The following TNKS variants were observed in gnomAD, a reference collection of about 807,000 sequenced individuals.
TNKS encodes tankyrase.
Under a neutral mutation model 135.8 loss-of-function variants are expected in TNKS, and 72 were observed. The ratio of observed to expected loss-of-function variants is 0.53; its 90% CI spans 0.44 to 0.64. The LOEUF (loss-of-function observed/expected upper bound fraction) is 0.64. TNKS is among the 30% of genes least tolerant of loss of function. The probability of loss-of-function intolerance (pLI) is 0.00; values close to 1 mark genes in which losing one functional copy is unlikely to be tolerated. For missense variants in TNKS, 1,769 were observed against 1,674.0 expected, an observed-to-expected ratio of 1.06 and a Z score of -0.99; for synonymous variants, 849 against 649.3, an observed-to-expected ratio of 1.31 and a Z score of -4.68.
At position 9,765,783 on chromosome 8, in the gene TNKS, G is replaced by A. The variant is rs764619026; in HGVS notation, c.3539G>A (p.Arg1180His). 1.6e-5 allele frequency: 26 copies of A among 1,613,672 alleles called. No individual in the cohort carries two copies. The highest frequency in any genetic ancestry group is 2.2e-5 in the East Asian group (1 of 44,886). The change falls in exon 24 of 27, where the codon CGC becomes CAC. Residue 1180 changes from arginine (R) to histidine (H), a missense_variant. Coordinates refer to ENST00000310430, the MANE Select transcript of TNKS (RefSeq NM_003747.3). Reference sequence around the variant, plus strand: ...GAGAATCACAACCATCACAATGAGCGCATGTTGTTTCATGGTAAGCAGCGT... The same window carrying A: ...GAGAATCACAACCATCACAATGAGCACATGTTGTTTCATGGTAAGCAGCGT... ...SEENHNHHNE[R>H]MLFHGSPFIN...
In TNKS at chr8:9,631,413, A is replaced by G. The variant is rs1051282186; in HGVS notation, c.994+15736A>G. Among the ~76,000 whole-genome samples the G allele has an allele frequency of 3.9e-5, 6 of 152,376 alleles. No individual in the cohort carries two copies. In the South Asian group the frequency reaches 8.3e-4, roughly 21 times the overall value. ...TACTTTCACATCATGCTTATAAGTCATAAAATGTACTGATGAAAAAGAAGC... is the reference window on the plus strand; with the variant it reads ...TACTTTCACATCATGCTTATAAGTCGTAAAATGTACTGATGAAAAAGAAGC... On this transcript the variant is annotated intron_variant, in intron 3 of 26. Transcript: ENST00000310430.
intron 3 of TNKS, among the ~76,000 whole-genome samples, chr8:9,639,170 A>C (rs1800630599): frequency 6.6e-6 from 1 of 152,206 alleles, no homozygotes; most frequent in Non-Finnish European, 1.5e-5. Flanking sequence ...TTTCTATGTT[A>C]TTCAGAGCAA....
rs1254260151 is a variant in TNKS, at chr8:9,778,821, A to G, written c.*2085A>G. 2.0e-5 allele frequency: 3 copies of G among 152,170 alleles called. No homozygotes were observed. Among genetic ancestry groups the G allele is most frequent in the Non-Finnish European group, 2.9e-5 (2 of 68,020 alleles). The allele number at this position is 152,170 out of a possible 1,614,324, so 9.4% of individuals were successfully genotyped here. A position where few individuals can be genotyped will look rare whatever the true frequency, so the allele number is the denominator to read the frequency against. On this transcript the variant is annotated 3_prime_UTR_variant, in exon 27 of 27. Coordinates refer to ENST00000310430, the MANE Select transcript of TNKS (RefSeq NM_003747.3). Reference sequence around the variant, plus strand: ...AATGGTAAACACAGCTGTGATTTTTAGTTAAGTAAAAGAGTTAATATGATA... The same window carrying G: ...AATGGTAAACACAGCTGTGATTTTTGGTTAAGTAAAAGAGTTAATATGATA...
chr8:9,776,646 C>T lies in TNKS; in HGVS notation c.3898-4C>T, dbSNP rs1470488973. On this transcript the variant is annotated splice_region_variant and splice_polypyrimidine_tract_variant and intron_variant, in intron 26 of 26. Transcript: ENST00000310430. ...TGATTTGTTTTTCTTCTTGTCCTTC[C>T]CAGGCATACCCAGAGTATCTTATCA... 1 of 1,613,674 alleles carries T rather than the reference C, an allele frequency of 6.2e-7. No homozygotes were observed. Among genetic ancestry groups the T allele is most frequent in the Non-Finnish European group, 8.5e-7 (1 of 1,179,734 alleles).
rs1183777732 is a variant in TNKS, at chr8:9,719,441, C to G, written c.1750-933C>G. Among the ~76,000 whole-genome samples, 4 of 152,124 alleles carry G rather than the reference C, an allele frequency of 2.6e-5. No individual in the cohort carries two copies. In the South Asian group the frequency reaches 8.3e-4, roughly 32 times the overall value. On this transcript the variant is annotated intron_variant, in intron 11 of 26. Transcript: ENST00000310430. ...AACATGCACTCATATTCTCAATAAC[C>G]TTAGTTTAACTCAATAAACAAAAAT...
chr8:9,750,566 C>T (rs1204636593), intron 18 of TNKS, among the ~76,000 whole-genome samples: 1 of 152,130 alleles, frequency 6.6e-6, no homozygotes, highest in Non-Finnish European at 1.5e-5. Context: ...CTCTCGCCTT[C>T]AGTAGCACTT....
At chr8:9,706,584 T>A (rs1172559582) in intron 7 of TNKS, among the ~76,000 whole-genome samples, 1 of 152,200 alleles carries the variant, frequency 6.6e-6, no homozygotes, top group Non-Finnish European at 1.5e-5. Flanking sequence ...TCTTGTTTTT[T>A]TAGATTTTAA....
intron 18 of TNKS, among the ~76,000 whole-genome samples, chr8:9,750,101 T>C (rs1459019301): frequency 2.6e-5 from 4 of 152,318 alleles, no homozygotes; most frequent in South Asian, 2.1e-4. Flanking sequence ...ATAAGATCCT[T>C]TGAAGCTCTT....
chr8:9,626,692 C>T (rs917049594), intron 3 of TNKS, among the ~76,000 whole-genome samples: 1 of 152,118 alleles, frequency 6.6e-6, no homozygotes, highest in African/African-American at 2.4e-5. Context: ...GACACTGCCA[C>T]CTTACAGTCA....
At chr8:9,749,561 A>G (rs1024971496) in intron 18 of TNKS, among the ~76,000 whole-genome samples, 3 of 148,392 alleles carry the variant, frequency 2.0e-5, no homozygotes, top group African/African-American at 5.0e-5. Context: ...CACAACCCCA[A>G]CCTCTTAGAT....
intron 20 of TNKS, among the ~76,000 whole-genome samples, chr8:9,759,596 C>G (rs2128832565): frequency 6.6e-6 from 1 of 152,230 alleles, no homozygotes; most frequent in South Asian, 2.1e-4. Context: ...CTCCATTACT[C>G]CTCTAGAACA....
intron 5 of TNKS, among the ~76,000 whole-genome samples, chr8:9,696,613 A>G (rs1459709841): frequency 2.6e-5 from 4 of 152,216 alleles, no homozygotes; most frequent in African/African-American, 7.2e-5. Context: ...TTCAGTATAC[A>G]AAATCCATGT....
intron 9 of TNKS, among the ~76,000 whole-genome samples, chr8:9,709,464 T>G (rs1163877264): frequency 6.6e-6 from 1 of 152,168 alleles, no homozygotes; most frequent in East Asian, 1.9e-4. Context: ...AAACCTAAAA[T>G]TTCTGAGAAT....
At position 9,556,366 on chromosome 8, in the gene TNKS, C is replaced by G. The variant is rs147674490; in HGVS notation, c.427C>G (p.Pro143Ala). The G allele has an allele frequency of 6.7e-4, 1,085 of 1,614,226 alleles. No homozygotes were observed. Among genetic ancestry groups the G allele is most frequent in the Non-Finnish European group, 8.2e-4 (973 of 1,180,024 alleles). ...CCCGACTTCTTCCTCATCTTCCTCTCCATCCTCCCCTGGATCGAGCTTGGC... is the reference window on the plus strand; with the variant it reads ...CCCGACTTCTTCCTCATCTTCCTCTGCATCCTCCCCTGGATCGAGCTTGGC... ...SSPTSSSSSS[P>A]SSPGSSLAES... Residue 143 changes from proline to alanine, a missense_variant, in exon 1 of 27, where the codon CCA (proline) becomes GCA (alanine). Physicochemically the swap from Pro to Ala is conservative, Grantham distance 27. Coordinates refer to ENST00000310430, the MANE Select transcript of TNKS (RefSeq NM_003747.3).
intron 1 of TNKS, chr8:9,575,331 T>G: frequency 1.1e-6 from 1 of 909,928 alleles, no homozygotes; most frequent in Non-Finnish European, 1.3e-6. Flanking sequence ...GTGATCCGCC[T>G]GCTTCGGCCT....
At chr8:9,768,687 T>A (rs76352038) in intron 25 of TNKS, among the ~76,000 whole-genome samples, 3,682 of 152,344 alleles carry the variant, frequency 0.024, 140 homozygotes, top group African/African-American at 0.081. Context: ...CAAGTTCACC[T>A]TTGTGTGACG....
At chr8:9,589,458 A>G (rs1798506710) in intron 2 of TNKS, among the ~76,000 whole-genome samples, 1 of 152,254 alleles carries the variant, frequency 6.6e-6, no homozygotes. Context: ...GCCAGCTCCA[A>G]GAACTTTAGC....
intron 3 of TNKS, among the ~76,000 whole-genome samples, chr8:9,673,541 T>A (rs1802401070): frequency 6.7e-6 from 1 of 149,100 alleles, no homozygotes; most frequent in African/African-American, 2.5e-5. Context: ...GCCTCCCAGG[T>A]TTAAGAAATT....
intron 2 of TNKS, among the ~76,000 whole-genome samples, chr8:9,599,805 C>T (rs1282803007): frequency 6.6e-6 from 1 of 151,570 alleles, no homozygotes; most frequent in Non-Finnish European, 1.5e-5. Context: ...AAAAAAAAGT[C>T]TTGATTTTCT....
Sources: allele counts gnomAD v4.1 joint callset (sites outside exome capture counted in the v4.1 genomes callset), GRCh38; gene constraint gnomAD v4.1.1; transcripts MANE v1.5; gene names NCBI Gene and HGNC (gene_info 2026-07-23, HGNC 2026-07-21).